The following GRAMD1C variants were observed in gnomAD, a reference collection of about 807,000 sequenced individuals.
GRAMD1C encodes protein Aster-C.
In GRAMD1C, 89 loss-of-function variants were observed where a neutral mutation model predicts 97.8. The observed-to-expected ratio is 0.91, with a 90% CI of 0.77 to 1.09. The LOEUF (loss-of-function observed/expected upper bound fraction) is 1.09. Ranked by LOEUF, GRAMD1C falls within the 50% of genes least tolerant of loss-of-function variation. GRAMD1C has a pLI of 0.00. For missense variants in GRAMD1C, 740 were observed against 766.4 expected, an observed-to-expected ratio of 0.97 and a Z score of 0.41; for synonymous variants, 256 against 267.0, an observed-to-expected ratio of 0.96 and a Z score of 0.40.
chr3:113,905,235 C>T (rs1936329263), intron 8 of GRAMD1C, among the ~76,000 whole-genome samples: 1 of 152,210 alleles, frequency 6.6e-6, no homozygotes, highest in Non-Finnish European at 1.5e-5. Flanking sequence ...AAGTTGGTTC[C>T]TTTGGCCTTT....
intron 9 of GRAMD1C, among the ~76,000 whole-genome samples, chr3:113,912,266 A>G (rs1369541346): frequency 2.0e-5 from 3 of 152,192 alleles, no homozygotes; most frequent in Non-Finnish European, 4.4e-5. Flanking sequence ...AATACCCAGC[A>G]CACAATAATA....
chr3:113,917,111 C>T (rs1158421568), intron 10 of GRAMD1C, among the ~76,000 whole-genome samples: 1 of 151,948 alleles, frequency 6.6e-6, no homozygotes, highest in Non-Finnish European at 1.5e-5. Context: ...ACTCCAGTGC[C>T]ACTCTATCCA....
chr3:113,944,158 C>T (rs1472572333), intron 17 of GRAMD1C, among the ~76,000 whole-genome samples: 2 of 152,158 alleles, frequency 1.3e-5, no homozygotes, highest in Non-Finnish European at 2.9e-5. Context: ...ATTTATTGCT[C>T]ACAGTTCTGA....
chr3:113,854,167 C>T (rs1331219521), intron 2 of GRAMD1C, among the ~76,000 whole-genome samples: 4 of 151,088 alleles, frequency 2.6e-5, no homozygotes, highest in South Asian at 2.1e-4. Flanking sequence ...ACTGAGTTGG[C>T]GATGCATGTT....
chr3:113,874,411 C>T (rs1934946417), intron 3 of GRAMD1C, among the ~76,000 whole-genome samples: 1 of 151,620 alleles, frequency 6.6e-6, no homozygotes, highest in Non-Finnish European at 1.5e-5. Flanking sequence ...TGGAGTGGCA[C>T]GATCTTGGCT....
At chr3:113,851,037 C>G (rs531877440) in intron 2 of GRAMD1C, among the ~76,000 whole-genome samples, 3 of 152,110 alleles carry the variant, frequency 2.0e-5, no homozygotes, top group African/African-American at 7.2e-5. Context: ...CTCCTGACCT[C>G]GTGATCTGCC....
intron 2 of GRAMD1C, chr3:113,850,227 C>A: frequency 1.8e-6 from 1 of 551,936 alleles, no homozygotes; most frequent in East Asian, 4.5e-5. Flanking sequence ...AATAATAATA[C>A]TCTCCAGTTT....
chr3:113,890,239 A>G (rs1206452638), intron 6 of GRAMD1C, among the ~76,000 whole-genome samples: 1 of 152,158 alleles, frequency 6.6e-6, no homozygotes. Flanking sequence ...TCTCTGACCC[A>G]TGGTAAGGGA....
At position 113,936,261 on chromosome 3, in the gene GRAMD1C, C is replaced by A. The variant is rs753522045; in HGVS notation, c.1457-5C>A. The A allele has an allele frequency of 1.4e-6, 2 of 1,449,974 alleles. No homozygotes were observed. The highest frequency in any genetic ancestry group is 1.9e-6 in the Non-Finnish European group (2 of 1,066,048). The allele number at this position is 1,449,974 out of a possible 1,614,324, so 89.8% of individuals were successfully genotyped here. A position where few individuals can be genotyped will look rare whatever the true frequency, so the allele number is the denominator to read the frequency against. ...CTATATAAAGATTGTTTTTTTTTTT[C>A]TTAGAATCAGATTTGTTAATTGAAG... On this transcript the variant is annotated splice_region_variant and splice_polypyrimidine_tract_variant and intron_variant, in intron 13 of 17. Coordinates refer to ENST00000358160, the MANE Select transcript of GRAMD1C (RefSeq NM_017577.5).
chr3:113,842,144 G>C (rs1933356121), intron 1 of GRAMD1C, among the ~76,000 whole-genome samples: 1 of 152,156 alleles, frequency 6.6e-6, no homozygotes, highest in Non-Finnish European at 1.5e-5. Flanking sequence ...TTTAGGCAAA[G>C]GTATAGTTCT....
rs565293365 is a variant in GRAMD1C at position 113,898,623 on chromosome 3, C to G, written c.541-2408C>G. On this transcript the variant is annotated intron_variant, in intron 6 of 17. Transcript: ENST00000358160. ...GACACTGTGCTTCCAAAGACTTTGTCTACCAAATAAGGGGTATACATTAAA... is the reference window on the plus strand; with the variant it reads ...GACACTGTGCTTCCAAAGACTTTGTGTACCAAATAAGGGGTATACATTAAA... 2.0e-5 allele frequency among the ~76,000 whole-genome samples: 3 copies of G among 151,904 alleles called. No homozygotes were observed. In the South Asian group the frequency reaches 6.2e-4, roughly 32 times the overall value.
chr3:113,858,722 T>C (rs191532356), intron 2 of GRAMD1C, among the ~76,000 whole-genome samples: 8 of 152,028 alleles, frequency 5.3e-5, no homozygotes, highest in Non-Finnish European at 1.5e-5. Flanking sequence ...TTTTAGTAGC[T>C]GGGATTTTGT....
chr3:113,868,284 C>A lies in GRAMD1C; in HGVS notation c.175-1223C>A, dbSNP rs145750311. Among the ~76,000 whole-genome samples the A allele has an allele frequency of 1.1e-4, 16 of 152,104 alleles. No individual in the cohort carries two copies. The East Asian group carries it at 3.1e-3, about 29-fold the overall frequency. Reference sequence around the variant, plus strand: ...TCTGCAAAATTCAATGTCTGGGGACCCTCAAAGGCTATTTCTGTTTTTTGT... The same window carrying A: ...TCTGCAAAATTCAATGTCTGGGGACACTCAAAGGCTATTTCTGTTTTTTGT... On this transcript the variant is annotated intron_variant, in intron 2 of 17. Transcript: ENST00000358160.
intron 2 of GRAMD1C, among the ~76,000 whole-genome samples, chr3:113,868,033 C>T (rs549741495): frequency 3.9e-5 from 6 of 152,072 alleles, no homozygotes; most frequent in Non-Finnish European, 8.8e-5. Context: ...CTTAAGTTCA[C>T]GTATTCTTTC....
intron 6 of GRAMD1C, among the ~76,000 whole-genome samples, chr3:113,890,405 T>C (rs920910562): frequency 7.2e-5 from 11 of 152,234 alleles, no homozygotes; most frequent in African/African-American, 2.7e-4. Context: ...GCAGTGCATG[T>C]CGTCTACTAC....
At position 113,945,549 on chromosome 3, in the gene GRAMD1C, T is replaced by C. The variant is rs1938031183; in HGVS notation, c.*71T>C. ...AATACCTGGAAGAAAACCAGACGAA[T>C]GAAGGATTTTGGCATAGAACATTTC... On this transcript the variant is annotated 3_prime_UTR_variant, in exon 18 of 18. Transcript: ENST00000358160. The C allele has an allele frequency of 2.5e-6, 2 of 799,000 alleles. No homozygotes were observed. The highest frequency in any genetic ancestry group is 4.4e-5 in the Admixed American group (2 of 45,380). 49.5% of individuals were successfully genotyped at this position (799,000 alleles called of 1,614,324 possible).
intron 1 of GRAMD1C, among the ~76,000 whole-genome samples, chr3:113,829,033 C>T (rs1184597708): frequency 3.3e-5 from 5 of 152,228 alleles, no homozygotes; most frequent in Non-Finnish European, 7.3e-5. Flanking sequence ...GCTTCTTAAC[C>T]CTGCTTGGAC....
At chr3:113,839,909 T>A (rs1709733943) in intron 1 of GRAMD1C, among the ~76,000 whole-genome samples, 1 of 152,138 alleles carries the variant, frequency 6.6e-6, no homozygotes, top group Non-Finnish European at 1.5e-5. Flanking sequence ...AAAGCCAGAA[T>A]GGACCCCCAT....
chr3:113,887,085 G>GTTTTTTTTTTTTTTTTTT (rs531763397), intron 6 of GRAMD1C, among the ~76,000 whole-genome samples: 2 of 71,444 alleles, frequency 2.8e-5, no homozygotes, highest in Non-Finnish European at 2.9e-5. Context: ...TGGCCTTTTT[G>GTTTTTTTTTTTTTTTTTT]TTTTTTTTTT....
Sources: allele counts gnomAD v4.1 joint callset (sites outside exome capture counted in the v4.1 genomes callset), GRCh38; gene constraint gnomAD v4.1.1; transcripts MANE v1.5; gene names NCBI Gene and HGNC (gene_info 2026-07-23, HGNC 2026-07-21).